KIF26A: variants seen among roughly 807,000 people sequenced by gnomAD.
KIF26A encodes the protein kinesin family member 26A, also known as kinesin-like protein KIF26A.
Under a neutral mutation model 126.0 loss-of-function variants are expected in KIF26A, and 74 were observed. That is an observed-to-expected ratio of 0.59 (90% CI 0.49 to 0.71). The LOEUF (loss-of-function observed/expected upper bound fraction) is 0.71. KIF26A is among the 30% of genes least tolerant of loss of function. The probability of loss-of-function intolerance (pLI) is 0.00; values close to 1 mark genes in which losing one functional copy is unlikely to be tolerated. For synonymous variants in KIF26A, 1,445 were observed against 1,232.7 expected (o/e 1.17, Z -3.61); for missense variants, 2,984 against 2,763.3 (o/e 1.08, Z -1.79).
chr14:104,151,939 A>G lies in KIF26A; in HGVS notation c.289-76A>G. On this transcript the variant is annotated intron_variant, in intron 2 of 14. Coordinates refer to ENST00000423312, the MANE Select transcript of KIF26A (RefSeq NM_015656.2). This position sits in a 1 kb window ranked among gnomAD's most constrained non-coding sequence, Gnocchi z 4.9. ...GGAGCTCGCAGCGTCATGGACGGTG[A>G]GAGTGCTGGTGGGCTCTGGGTGCCG... 11 of 1,311,030 alleles carry G rather than the reference A, an allele frequency of 8.4e-6. No homozygotes were observed. Among genetic ancestry groups the G allele is most frequent in the African/African-American group, 1.5e-5 (1 of 68,874 alleles). The allele number at this position is 1,311,030 out of a possible 1,614,324, so 81.2% of individuals were successfully genotyped here.
At position 104,177,639 on chromosome 14, in the gene KIF26A, C is replaced by T. The variant is rs532018386; in HGVS notation, c.4851C>T (p.Thr1617=). The T allele has an allele frequency of 1.3e-4, 201 of 1,524,822 alleles. 1 individual carries two copies. Among genetic ancestry groups the T allele is most frequent in the South Asian group, 1.0e-3 (83 of 82,444 alleles). The allele number at this position is 1,524,822 out of a possible 1,614,324, so 94.5% of individuals were successfully genotyped here. A position where few individuals can be genotyped will look rare whatever the true frequency, so the allele number is the denominator to read the frequency against. Residue 1617 remains threonine (T), a synonymous_variant, in exon 12 of 15, where the codon ACC becomes ACT. Transcript: ENST00000423312. ...PALPSPYSKV[T]APRRPQRYSS... ...TGCCCTCCCCCTACAGCAAGGTGAC[C>T]GCCCCACGGCGGCCCCAGCGCTACA...
chr14:104,169,830 G>A (rs1011660207), intron 5 of KIF26A, among the ~76,000 whole-genome samples: 2 of 152,180 alleles, frequency 1.3e-5, no homozygotes, highest in Non-Finnish European at 2.9e-5. Flanking sequence ...GCTATTCCGT[G>A]GGGCTTTGTA....
Position 104,147,603 on chromosome 14 carries a change from C to T in KIF26A, c.289-4412C>T, listed in dbSNP as rs531553403. Among the ~76,000 whole-genome samples the T allele has an allele frequency of 1.4e-3, 209 of 152,342 alleles. 2 individuals carry two copies. The highest frequency in any genetic ancestry group is 2.6e-4 in the Non-Finnish European group (18 of 68,014). ...AGTTTCCAGACTGGAGCACCGAGCCCGCTCCTTGCCCCCCGCCCTGATGGG... is the reference window on the plus strand; with the variant it reads ...AGTTTCCAGACTGGAGCACCGAGCCTGCTCCTTGCCCCCCGCCCTGATGGG... On this transcript the variant is annotated intron_variant, in intron 2 of 14. Transcript: ENST00000423312.
At chr14:104,169,731 G>A (rs1038297364) in intron 5 of KIF26A, among the ~76,000 whole-genome samples, 1 of 152,224 alleles carries the variant, frequency 6.6e-6, no homozygotes, top group African/African-American at 2.4e-5. Context: ...TGGGTGCTGA[G>A]CAGCGCCCTT....
Position 104,157,785 on chromosome 14 carries a change from GCAGACA to G in KIF26A, c.768_773del (p.Asp257_Thr258del), listed in dbSNP as rs1566858240. 1 of 1,610,524 alleles carries G rather than the reference GCAGACA, an allele frequency of 6.2e-7. No individual in the cohort carries two copies. Among genetic ancestry groups the G allele is most frequent in the Admixed American group, 1.7e-5 (1 of 59,862 alleles). On this transcript the variant is annotated inframe_deletion, in exon 4 of 15. Coordinates refer to ENST00000423312, the MANE Select transcript of KIF26A (RefSeq NM_015656.2). ...GGCAGCGGTGGCGGCCGTGGCGGTGGCAGACACGGTCCGAGAATGCCCCCCCGTGGC... is the reference window on the plus strand; with the variant it reads ...GGCAGCGGTGGCGGCCGTGGCGGTGGCGGTCCGAGAATGCCCCCCCGTGGC...
chr14:104,178,526 C>T, intron 12 of KIF26A, 24 bp from the exon 13 acceptor site: 2 of 1,432,488 alleles, frequency 1.4e-6, no homozygotes, highest in Non-Finnish European at 1.8e-6. Context: ...CTCTGTTCAC[C>T]CTGTGCCCGG....
rs140610303 is a variant in KIF26A, at chr14:104,178,677, C to T, written c.5238C>T (p.Phe1746=). The stretch of plus-strand genomic sequence containing the variant: ...TGGCTGGCTCCCTGAAGGAGCCGTT[C>T]GAGATCAAGGTGTACGAGATCGATG... ...PPLAGSLKEP[F]EIKVYEIDDV... Residue 1746 remains phenylalanine (F), a synonymous_variant, in exon 13 of 15, where the codon TTC becomes TTT. Coordinates refer to ENST00000423312, the MANE Select transcript of KIF26A (RefSeq NM_015656.2). The T allele has an allele frequency of 9.3e-4, 1,446 of 1,561,952 alleles. 13 individuals carry two copies. In the East Asian group the frequency reaches 0.014, roughly 16 times the overall value.
intron 5 of KIF26A, among the ~76,000 whole-genome samples, chr14:104,168,854 G>A (rs1374487751): frequency 6.6e-6 from 1 of 152,126 alleles, no homozygotes; most frequent in Non-Finnish European, 1.5e-5. Flanking sequence ...CCTGCCTGGG[G>A]TGAGGCGGGG....
In KIF26A at chr14:104,172,665, C is replaced by T. The variant is rs1342509564; in HGVS notation, c.1417C>T (p.Leu473=). ...CATTTTTTCCTTTGGCCACATGAGC[C>T]TGGGTAAGCACCCTTGCCCCACCCT... ...GCIFSFGHMS[L]GKSYTMIGKD... The change falls in exon 7 of 15, where the codon CTG becomes TTG. Residue 473 remains leucine, a synonymous_variant. Transcript: ENST00000423312. The T allele has an allele frequency of 1.2e-6, 2 of 1,611,222 alleles. No homozygotes were observed. The highest frequency in any genetic ancestry group is 1.7e-5 in the Admixed American group (1 of 59,972).
chr14:104,138,798 C>T, intron 1 of KIF26A, 34 bp downstream of exon 1: 2 of 1,258,622 alleles, frequency 1.6e-6, no homozygotes, highest in Non-Finnish European at 2.0e-6. Context: ...GGGAGGCGGG[C>T]GGCGGGGGCC....
intron 2 of KIF26A, among the ~76,000 whole-genome samples, chr14:104,150,278 A>T (rs1292264921): frequency 6.8e-6 from 1 of 146,544 alleles, no homozygotes; most frequent in African/African-American, 2.5e-5. Flanking sequence ...CGAATCTCCG[A>T]AGCAGCAGGA....
intron 14 of KIF26A, 64 bp from the exon 15 acceptor site, chr14:104,179,545 C>A: frequency 6.9e-7 from 1 of 1,443,850 alleles, no homozygotes; most frequent in Non-Finnish European, 9.1e-7. Context: ...CTCTGGGGGG[C>A]CAGGTGGCTG....
intron 5 of KIF26A, among the ~76,000 whole-genome samples, chr14:104,169,442 T>C (rs1472150342): frequency 6.6e-6 from 1 of 152,092 alleles, no homozygotes; most frequent in Non-Finnish European, 1.5e-5. Flanking sequence ...GCTTCTCCCT[T>C]CTCTCCATGG....
In KIF26A at chr14:104,178,443, G is replaced by A. The variant is rs565570389; in HGVS notation, c.5111-107G>A. 280 of 847,138 alleles carry A rather than the reference G, an allele frequency of 3.3e-4. No homozygotes were observed. The Middle Eastern group carries it at 4.1e-3, about 12-fold the overall frequency. 52.5% of individuals were successfully genotyped at this position (847,138 alleles called of 1,614,324 possible). A position where few individuals can be genotyped will look rare whatever the true frequency, so the allele number is the denominator to read the frequency against. ...CCTGAGGATTCCTGGACTGGATCCC[G>A]AAGGCCTCCCTGTCAGGACTCGGGC... is the stretch of plus-strand genomic sequence containing the variant. On this transcript the variant is annotated intron_variant, in intron 12 of 14. Coordinates refer to ENST00000423312, the MANE Select transcript of KIF26A (RefSeq NM_015656.2).
In KIF26A at chr14:104,177,215, C is replaced by T. The variant is rs748181611; in HGVS notation, c.4427C>T (p.Pro1476Leu). The change falls in exon 12 of 15, where the codon CCA becomes CTA. Residue 1476 changes from proline to leucine, a missense_variant. By Grantham distance (98) the Pro-to-Leu change is moderately conservative (BLOSUM62 -3). Transcript: ENST00000423312. The stretch of plus-strand genomic sequence containing the variant: ...CCACCCTCCAGCCCCACACACGGTC[C>T]AGCTCCCGCCTGTAGGAGCGGCGCA... ...GVPPSSPTHGPAPACRSGAAK... is the reference protein window; with the variant it reads ...GVPPSSPTHGLAPACRSGAAK... 4 of 1,591,930 alleles carry T rather than the reference C, an allele frequency of 2.5e-6. No individual in the cohort carries two copies. In the South Asian group the frequency reaches 3.3e-5, roughly 13 times the overall value.
intron 10 of KIF26A, 103 bp from the exon 11 acceptor site, chr14:104,174,045 G>GGAGCTGGGTGGGAACCAGACT (rs1213920793): frequency 1.8e-5 from 26 of 1,410,280 alleles, no homozygotes; most frequent in Non-Finnish European, 1.8e-5. Flanking sequence ...GGCTGGTGCC[G>GGAGCTGGGTGGGAACCAGACT]GAGCTGGGTG....
At chr14:104,140,232 C>T (rs961264158) in intron 2 of KIF26A, among the ~76,000 whole-genome samples, 5 of 152,036 alleles carry the variant, frequency 3.3e-5, no homozygotes, top group Admixed American at 6.5e-5. Flanking sequence ...GCACCGTCTC[C>T]GGGCTCTCTG....
In KIF26A at chr14:104,176,449, A is replaced by G; in HGVS notation, c.3661A>G (p.Thr1221Ala). The stretch of plus-strand genomic sequence containing the variant: ...GAAACCGAGGACTGCCTCTGCCACC[A>G]CCCGTGTGGGCTGTGCTCGCCTGGG... ...PRKPRTASAT[T>A]RVGCARLGQS... Residue 1221 changes from threonine (T) to alanine (A), a missense_variant, in exon 12 of 15, where the codon ACC (threonine) becomes GCC (alanine). Thr to Ala is a moderately conservative substitution (Grantham distance 58). Coordinates refer to ENST00000423312, the MANE Select transcript of KIF26A (RefSeq NM_015656.2). 1.2e-6 allele frequency: 2 copies of G among 1,602,196 alleles called. No individual in the cohort carries two copies. The highest frequency in any genetic ancestry group is 1.7e-6 in the Non-Finnish European group (2 of 1,174,898).
At chr14:104,155,331 C>T (rs1301011350) in intron 3 of KIF26A, among the ~76,000 whole-genome samples, 1 of 152,210 alleles carries the variant, frequency 6.6e-6, no homozygotes, top group Non-Finnish European at 1.5e-5. Context: ...CTCCACGGAA[C>T]CCTGGTGTTC....
Sources: allele counts gnomAD v4.1 joint callset (sites outside exome capture counted in the v4.1 genomes callset), GRCh38; gene constraint gnomAD v4.1.1; non-coding constraint Gnocchi (gnomAD v3.1); transcripts MANE v1.5; gene names NCBI Gene and HGNC (gene_info 2026-07-23, HGNC 2026-07-21).